The following WDPCP variants were observed in gnomAD, a reference collection of about 807,000 sequenced individuals.
WDPCP encodes the protein WD repeat containing planar cell polarity effector.
Under a neutral mutation model 93.1 loss-of-function variants are expected in WDPCP, and 71 were observed. The ratio of observed to expected loss-of-function variants is 0.76; its 90% CI spans 0.63 to 0.93. The LOEUF (loss-of-function observed/expected upper bound fraction) is 0.93, where lower values mean the gene tolerates loss of function less well. Among genes scored for constraint, WDPCP ranks in the 40% least tolerant of loss-of-function variants. WDPCP has a pLI of 0.00. For missense variants in WDPCP, 844 were observed against 887.4 expected (o/e 0.95, Z 0.62); for synonymous variants, 315 against 315.0 (o/e 1.00, Z 0.00).
the WDPCP span, among the ~76,000 whole-genome samples, chr2:63,836,778 G>A: frequency 6.6e-6 from 1 of 152,134 alleles, no homozygotes; most frequent in East Asian, 1.9e-4. Flanking sequence ...GGAACATGCA[G>A]AACAGACTAA....
chr2:63,294,157 C>T (rs1206471911), intron 13 of WDPCP, among the ~76,000 whole-genome samples: 1 of 152,112 alleles, frequency 6.6e-6, no homozygotes, highest in East Asian at 1.9e-4. Flanking sequence ...GTAATACTAC[C>T]AGTAGATTTC....
At chr2:63,477,353 A>G (rs905646168) in intron 6 of WDPCP, among the ~76,000 whole-genome samples, 5 of 152,190 alleles carry the variant, frequency 3.3e-5, no homozygotes, top group Admixed American at 3.3e-4. Flanking sequence ...GAAATATATT[A>G]AATAGCTGGT....
chr2:63,703,407 C>T (rs1300730958), intron 2 of WDPCP, among the ~76,000 whole-genome samples: 66 of 152,190 alleles, frequency 4.3e-4, no homozygotes, highest in Non-Finnish European at 1.5e-4. Context: ...TTTTAATGAT[C>T]GCCATTCTAA....
At chr2:63,284,001 A>C (rs192719086) in intron 13 of WDPCP, among the ~76,000 whole-genome samples, 2 of 152,204 alleles carry the variant, frequency 1.3e-5, no homozygotes, top group South Asian at 2.1e-4. Context: ...CAAAAAAGAA[A>C]ATATATCGGA....
intron 12 of WDPCP, among the ~76,000 whole-genome samples, chr2:63,325,193 T>C (rs1312535590): frequency 6.6e-6 from 1 of 152,130 alleles, no homozygotes; most frequent in Non-Finnish European, 1.5e-5. Flanking sequence ...CAAACAAACC[T>C]TGGTGGTTCA....
chr2:63,399,433 A>G (rs1262109777), intron 10 of WDPCP, among the ~76,000 whole-genome samples: 1 of 152,042 alleles, frequency 6.6e-6, no homozygotes, highest in Non-Finnish European at 1.5e-5. Context: ...CAAATGTGCT[A>G]GAGATAGGAA....
At chr2:63,447,112 G>A (rs1697918418) in intron 6 of WDPCP, among the ~76,000 whole-genome samples, 1 of 151,510 alleles carries the variant, frequency 6.6e-6, no homozygotes, top group Non-Finnish European at 1.5e-5. Context: ...TTGAAGGTGG[G>A]GGGAGGCATT....
Position 63,690,807 on chromosome 2 carries a change from A to G in WDPCP, n.309-39969T>C, listed in dbSNP as rs552342626. Among the ~76,000 whole-genome samples, 13 of 152,280 alleles carry G rather than the reference A, an allele frequency of 8.5e-5. No homozygotes were observed. The South Asian group carries it at 2.1e-3, about 24-fold the overall frequency. On this transcript the variant is annotated intron_variant and non_coding_transcript_variant, in intron 2 of 4. Coordinates refer to the WDPCP transcript ENST00000467687. The stretch of plus-strand genomic sequence containing the variant: ...AAAAAACTTCAAGCAGATTGCTCCG[A>G]GGTAATAATTATGAATATGTGTAAA...
chr2:63,553,315 A>C (rs1705823428), intron 1 of WDPCP, among the ~76,000 whole-genome samples: 1 of 152,086 alleles, frequency 6.6e-6, no homozygotes, highest in South Asian at 2.1e-4. Flanking sequence ...AGGTTGTGGG[A>C]AGTATTTCCC....
At chr2:63,828,491 C>A (rs1016993199), upstream of WDPCP, among the ~76,000 whole-genome samples, 2 of 152,134 alleles carry the variant, frequency 1.3e-5, no homozygotes, top group Admixed American at 1.3e-4. Flanking sequence ...CCGTTTTACT[C>A]ATTGCTATAT....
intron 3 of WDPCP, among the ~76,000 whole-genome samples, chr2:63,624,374 G>T (rs1386332371): frequency 1.3e-5 from 2 of 151,908 alleles, no homozygotes; most frequent in Non-Finnish European, 2.9e-5. Context: ...ACCCTTCAAG[G>T]AATCAATAAA....
intron 13 of WDPCP, among the ~76,000 whole-genome samples, chr2:63,277,161 CCAGA>C (rs982574133): frequency 3.3e-4 from 50 of 152,172 alleles, no homozygotes; most frequent in African/African-American, 1.2e-3. Flanking sequence ...ACAGTCTTTT[CCAGA>C]CAGACAAATG....
At chr2:63,183,190 CT>C (rs1191008606) in intron 14 of WDPCP, among the ~76,000 whole-genome samples, 1 of 151,428 alleles carries the variant, frequency 6.6e-6, no homozygotes, top group Non-Finnish European at 1.5e-5. Context: ...TTTCTTTGTT[CT>C]TTTTTTTCTA....
chr2:63,245,572 T>C (rs568753264), intron 14 of WDPCP, among the ~76,000 whole-genome samples: 55 of 152,258 alleles, frequency 3.6e-4, no homozygotes, highest in African/African-American at 1.2e-3. Context: ...AAACAATGCA[T>C]GCCATAAAGC....
intron 3 of WDPCP, among the ~76,000 whole-genome samples, chr2:63,634,611 T>C (rs886823163): frequency 1.3e-5 from 2 of 152,168 alleles, no homozygotes; most frequent in Non-Finnish European, 2.9e-5. Flanking sequence ...GGGTAGATCA[T>C]ATGTCAGGCT....
chr2:63,768,050 T>A (rs1266375678), intron 2 of WDPCP, among the ~76,000 whole-genome samples: 1 of 152,084 alleles, frequency 6.6e-6, no homozygotes, highest in Non-Finnish European at 1.5e-5. Flanking sequence ...AGTTTCATAT[T>A]TTAGGTTTTA....
At chr2:63,502,154 G>A (rs1701600189) in intron 1 of WDPCP, among the ~76,000 whole-genome samples, 1 of 152,074 alleles carries the variant, frequency 6.6e-6, no homozygotes, top group Non-Finnish European at 1.5e-5. Context: ...TTTTTATAAA[G>A]ATAAAATTTT....
intron 2 of WDPCP, among the ~76,000 whole-genome samples, chr2:63,689,239 A>G (rs1668856321): frequency 2.0e-5 from 3 of 152,040 alleles, no homozygotes. Context: ...TTTTAAAAAA[A>G]TGATCCAGGG....
At chr2:63,167,117 A>G (rs911593447) in intron 15 of WDPCP, among the ~76,000 whole-genome samples, 3 of 152,176 alleles carry the variant, frequency 2.0e-5, no homozygotes, top group Non-Finnish European at 4.4e-5. Context: ...ATAAAGTTTT[A>G]TTGGACCACA....
Sources: allele counts gnomAD v4.1 joint callset (sites outside exome capture counted in the v4.1 genomes callset), GRCh38; gene constraint gnomAD v4.1.1; transcripts MANE v1.5; gene names NCBI Gene and HGNC (gene_info 2026-07-23, HGNC 2026-07-21).